Variants in TRAPPC9 observed in about 807,000 individuals in gnomAD.
TRAPPC9 encodes the protein trafficking protein particle complex subunit 9, also known as IKK2 binding protein.
Under a neutral mutation model 124.0 loss-of-function variants are expected in TRAPPC9, and 83 were observed. The observed-to-expected ratio is 0.67, with a 90% confidence interval of 0.56 to 0.80. The LOEUF (loss-of-function observed/expected upper bound fraction) is 0.80, where lower values mean the gene tolerates loss of function less well. Ranked by LOEUF, TRAPPC9 falls within the 30% of genes least tolerant of loss-of-function variation. The pLI is 0.00. For synonymous variants in TRAPPC9, 638 were observed against 617.5 expected, an observed-to-expected ratio of 1.03 and a Z score of -0.49; for missense variants, 1,302 against 1,508.3, an observed-to-expected ratio of 0.86 and a Z score of 2.27.
At chr8:140,375,630 A>T (rs2068415203) in intron 7 of TRAPPC9, among the ~76,000 whole-genome samples, 1 of 152,244 alleles carries the variant, frequency 6.6e-6, no homozygotes, top group Non-Finnish European at 1.5e-5. Flanking sequence ...AAAAGACTCA[A>T]TGAAATAATG....
At chr8:140,165,615 G>C (rs1315150400) in intron 17 of TRAPPC9, among the ~76,000 whole-genome samples, 1 of 125,788 alleles carries the variant, frequency 7.9e-6, no homozygotes, top group Non-Finnish European at 1.7e-5. Flanking sequence ...AGGGGGCAAG[G>C]AGGGAAGGGA....
At chr8:140,035,199 T>C (rs1346108156) in intron 17 of TRAPPC9, among the ~76,000 whole-genome samples, 2 of 152,224 alleles carry the variant, frequency 1.3e-5, no homozygotes, top group African/African-American at 2.4e-5. Flanking sequence ...CATAAGCAAT[T>C]AGGACATTTT....
chr8:139,765,619 T>C (rs1820532104), intron 21 of TRAPPC9, among the ~76,000 whole-genome samples: 1 of 152,166 alleles, frequency 6.6e-6, no homozygotes, highest in African/African-American at 2.4e-5. Flanking sequence ...GCAGGTGAAG[T>C]GGTGGCAGGC....
intron 17 of TRAPPC9, among the ~76,000 whole-genome samples, chr8:140,155,686 T>C (rs2061616567): frequency 6.6e-6 from 1 of 151,298 alleles, no homozygotes; most frequent in Non-Finnish European, 1.5e-5. Context: ...TTTGGGTCTA[T>C]TGACATGGGA....
intron 20 of TRAPPC9, among the ~76,000 whole-genome samples, chr8:139,903,919 G>A (rs189607002): frequency 4.9e-4 from 74 of 152,258 alleles, no homozygotes; most frequent in African/African-American, 1.6e-3. Context: ...GCAGGTGCCT[G>A]TAGTCCCAGC....
intron 17 of TRAPPC9, among the ~76,000 whole-genome samples, chr8:140,139,258 T>C (rs1460995745): frequency 1.3e-5 from 2 of 152,154 alleles, no homozygotes; most frequent in Non-Finnish European, 2.9e-5. Context: ...GGCACATTCC[T>C]ATCCCTACTT....
chr8:140,297,733 G>A (rs1220598844), intron 11 of TRAPPC9, among the ~76,000 whole-genome samples: 1 of 152,210 alleles, frequency 6.6e-6, no homozygotes, highest in Non-Finnish European at 1.5e-5. Flanking sequence ...TTGTTCATTC[G>A]AGTTCAACGT....
intron 18 of TRAPPC9, among the ~76,000 whole-genome samples, chr8:139,990,961 T>G (rs1010172269): frequency 6.6e-6 from 1 of 152,168 alleles, no homozygotes; most frequent in Non-Finnish European, 1.5e-5. Flanking sequence ...CTCCCATCAG[T>G]TGAGTCTGGG....
chr8:140,100,975 A>ATGTG (rs2060568127), intron 17 of TRAPPC9, among the ~76,000 whole-genome samples: 1 of 152,206 alleles, frequency 6.6e-6, no homozygotes, highest in African/African-American at 2.4e-5. Context: ...GGAGGACTAT[A>ATGTG]TGTGACGTAC....
At chr8:140,210,905 G>A (rs1006420821) in intron 17 of TRAPPC9, among the ~76,000 whole-genome samples, 3 of 152,222 alleles carry the variant, frequency 2.0e-5, no homozygotes, top group African/African-American at 7.2e-5. Context: ...CCGCTGATGG[G>A]AACAGCCATT....
intron 7 of TRAPPC9, among the ~76,000 whole-genome samples, chr8:140,389,303 T>G (rs1273277790): frequency 6.6e-6 from 1 of 152,204 alleles, no homozygotes; most frequent in Non-Finnish European, 1.5e-5. Flanking sequence ...GAACTACTCC[T>G]GCAGCTTTTC....
chr8:140,120,126 C>G (rs1563775636), intron 17 of TRAPPC9, among the ~76,000 whole-genome samples: 1 of 152,232 alleles, frequency 6.6e-6, no homozygotes, highest in Non-Finnish European at 1.5e-5. Context: ...CAGCACTGGT[C>G]TAGGCACTGT....
At position 140,251,418 on chromosome 8, in the gene TRAPPC9, T is replaced by C. The variant is rs551797485; in HGVS notation, c.2431+1359A>G. Among the ~76,000 whole-genome samples, 11 of 152,392 alleles carry C rather than the reference T, an allele frequency of 7.2e-5. No individual in the cohort carries two copies. In the South Asian group the frequency reaches 1.4e-3, roughly 20 times the overall value. ...AGACATTTTTAAGTCTTGGTATAAT[T>C]TGAAATCCTCTCAACTTTTTTCATT... On this transcript the variant is annotated intron_variant, in intron 16 of 22. Coordinates refer to ENST00000438773, the MANE Select transcript of TRAPPC9 (RefSeq NM_001160372.4).
At chr8:140,175,159 C>T (rs544394672) in intron 17 of TRAPPC9, among the ~76,000 whole-genome samples, 52 of 152,114 alleles carry the variant, frequency 3.4e-4, no homozygotes, top group Non-Finnish European at 6.3e-4. Flanking sequence ...CAACAGACAA[C>T]CACTTACCAT....
chr8:140,165,762 G>C lies in TRAPPC9; in HGVS notation c.2556+55697C>G, dbSNP rs1587841974. Among the ~76,000 whole-genome samples, 3 of 152,220 alleles carry C rather than the reference G, an allele frequency of 2.0e-5. No individual in the cohort carries two copies. In the East Asian group the frequency reaches 5.8e-4, roughly 29 times the overall value. Reference sequence around the variant, plus strand: ...TGAGATTATCTGCAAGGCAGGAGCAGAGCCACAGTTCAAACCAAAGCAACC... The same window carrying C: ...TGAGATTATCTGCAAGGCAGGAGCACAGCCACAGTTCAAACCAAAGCAACC... On this transcript the variant is annotated intron_variant, in intron 17 of 22. Transcript: ENST00000438773.
At chr8:140,407,086 C>T (rs1303635111) in intron 5 of TRAPPC9, among the ~76,000 whole-genome samples, 1 of 152,186 alleles carries the variant, frequency 6.6e-6, no homozygotes, top group Non-Finnish European at 1.5e-5. Context: ...ACGTCAGGAA[C>T]ATCCACACGT....
At chr8:139,902,808 G>A (rs1295629811) in intron 20 of TRAPPC9, among the ~76,000 whole-genome samples, 1 of 152,180 alleles carries the variant, frequency 6.6e-6, no homozygotes. Flanking sequence ...GTCCTGAAAG[G>A]GAGGATAGCT....
At chr8:140,076,920 C>T (rs908917634) in intron 17 of TRAPPC9, among the ~76,000 whole-genome samples, 2 of 152,146 alleles carry the variant, frequency 1.3e-5, no homozygotes, top group African/African-American at 4.8e-5. Context: ...AATCCCAGCA[C>T]TTTGGGAGGC....
At chr8:140,147,891 C>T (rs1332566899) in intron 17 of TRAPPC9, among the ~76,000 whole-genome samples, 1 of 152,238 alleles carries the variant, frequency 6.6e-6, no homozygotes. Context: ...AGGTCTAAGG[C>T]GTTGCCACCT....
Sources: allele counts gnomAD v4.1 joint callset (sites outside exome capture counted in the v4.1 genomes callset), GRCh38; gene constraint gnomAD v4.1.1; transcripts MANE v1.5; gene names NCBI Gene and HGNC (gene_info 2026-07-23, HGNC 2026-07-21).